SPHKAP: variants seen among roughly 807,000 people sequenced by gnomAD.
SPHKAP encodes SPHK1 interactor, AKAP domain containing.
SPHKAP carries 67 observed loss-of-function variants against 137.5 expected under a neutral mutation model. The ratio of observed to expected loss-of-function variants is 0.49; its 90% CI spans 0.40 to 0.60. The LOEUF (loss-of-function observed/expected upper bound fraction) is 0.60. Among genes scored for constraint, SPHKAP ranks in the 20% least tolerant of loss-of-function variants. SPHKAP has a pLI of 0.00. For synonymous variants in SPHKAP, 813 were observed against 785.3 expected, an observed-to-expected ratio of 1.04 and a Z score of -0.59; for missense variants, 2,097 against 2,069.3, an observed-to-expected ratio of 1.01 and a Z score of -0.26.
chr2:227,998,293 C>T (rs1165776706), intron 7 of SPHKAP, among the ~76,000 whole-genome samples: 5 of 152,122 alleles, frequency 3.3e-5, no homozygotes, highest in African/African-American at 4.8e-5. Context: ...CCACTGCGCC[C>T]GGCCTTTAGG....
intron 11 of SPHKAP, among the ~76,000 whole-genome samples, chr2:227,989,214 A>C (rs1693323307): frequency 6.6e-6 from 1 of 152,194 alleles, no homozygotes; most frequent in Non-Finnish European, 1.5e-5. Flanking sequence ...AGGTCATTTA[A>C]CTTGAGAAAG....
At chr2:228,013,652 C>T (rs963187186) in intron 7 of SPHKAP, among the ~76,000 whole-genome samples, 5 of 152,132 alleles carry the variant, frequency 3.3e-5, no homozygotes, top group Non-Finnish European at 5.9e-5. Context: ...TTACAACAGG[C>T]GAGGCCCTGA....
At chr2:227,997,922 CTT>C (rs1456258210) in intron 7 of SPHKAP, among the ~76,000 whole-genome samples, 2 of 152,192 alleles carry the variant, frequency 1.3e-5, no homozygotes, top group East Asian at 1.9e-4. Context: ...GAGCCACACT[CTT>C]AGTCTAGAGA....
chr2:228,138,981 A>G lies in SPHKAP; in HGVS notation c.33-6896T>C, dbSNP rs374969691. 1.6e-4 allele frequency among the ~76,000 whole-genome samples: 24 copies of G among 152,204 alleles called. 1 individual carries two copies. The highest frequency in any genetic ancestry group is 1.4e-3 in the East Asian group (7 of 5,166). ...GAGTTTGGGTTTCACTTTTTGAGGT[A>G]TTGGTAAGTGGCAATAAAGAAAATA... On this transcript the variant is annotated intron_variant, in intron 1 of 11. Transcript: ENST00000392056.
intron 3 of SPHKAP, among the ~76,000 whole-genome samples, chr2:228,103,143 C>T (rs13406461): frequency 0.31 from 47,458 of 152,040 alleles, 7,659 homozygotes; most frequent in Admixed American, 0.4. Flanking sequence ...GAGTGACTCT[C>T]TTCTCCACCG....
chr2:228,025,006 A>G (rs1256200020), intron 5 of SPHKAP, among the ~76,000 whole-genome samples: 1 of 152,172 alleles, frequency 6.6e-6, no homozygotes, highest in African/African-American at 2.4e-5. Flanking sequence ...TAAGGAATAC[A>G]TAACATCTGA....
In SPHKAP at chr2:228,021,488, CT is replaced by C. The variant is rs144020616; in HGVS notation, c.697+222del. ...ATTCCCTTCAGTATGCCTAAGGCATCTTTTGGGAGTCTGGATCCATCCAACC... is the reference window on the plus strand; with the variant it reads ...ATTCCCTTCAGTATGCCTAAGGCATCTTTGGGAGTCTGGATCCATCCAACC... On this transcript the variant is annotated intron_variant, in intron 6 of 11. Transcript: ENST00000392056. 2.0e-3 allele frequency among the ~76,000 whole-genome samples: 306 copies of C among 152,282 alleles called. 1 individual carries two copies. The highest frequency in any genetic ancestry group is 7.2e-3 in the African/African-American group (299 of 41,560).
chr2:228,001,328 T>TACATATATAAATATATAC (rs1559339550), intron 7 of SPHKAP, among the ~76,000 whole-genome samples: 1 of 143,682 alleles, frequency 7.0e-6, no homozygotes, highest in Non-Finnish European at 1.5e-5. Context: ...TAAATATATA[T>TACATATATAAATATATAC]ACATATATAA....
intron 3 of SPHKAP, among the ~76,000 whole-genome samples, chr2:228,028,375 G>T (rs923316996): frequency 6.6e-6 from 1 of 151,918 alleles, no homozygotes; most frequent in Admixed American, 6.6e-5. Context: ...TATACAATTT[G>T]CCTCTTTGTT....
chr2:228,164,475 G>A (rs183934465), intron 1 of SPHKAP, among the ~76,000 whole-genome samples: 2 of 152,182 alleles, frequency 1.3e-5, no homozygotes, highest in African/African-American at 2.4e-5. Context: ...AAACATTGTG[G>A]TATTGAAGTT....
chr2:228,001,199 AGG>A (rs1693843308), intron 7 of SPHKAP, among the ~76,000 whole-genome samples: 2 of 149,030 alleles, frequency 1.3e-5, no homozygotes, highest in Non-Finnish European at 3.0e-5. Context: ...GTGTCTCTTC[AGG>A]CCTTTTGATC....
intron 3 of SPHKAP, among the ~76,000 whole-genome samples, chr2:228,028,941 T>C (rs1225562072): frequency 7.8e-6 from 1 of 128,516 alleles, no homozygotes; most frequent in African/African-American, 3.1e-5. Flanking sequence ...GCTATGTTTT[T>C]GAAAGATAAA....
chr2:228,018,769 G>C lies in SPHKAP; in HGVS notation c.2085C>G (p.Asn695Lys), dbSNP rs770515231. 2 of 1,614,188 alleles carry C rather than the reference G, an allele frequency of 1.2e-6. No homozygotes were observed. Among genetic ancestry groups the C allele is most frequent in the East Asian group, 4.5e-5 (2 of 44,880 alleles). The change falls in exon 7 of 12, where the codon AAC becomes AAG. Residue 695 changes from asparagine to lysine, a missense_variant. Physicochemically the swap from Asn to Lys is moderately conservative, Grantham distance 94 (BLOSUM62 0). Transcript: ENST00000392056. Reference sequence around the variant, plus strand: ...TGTCCAGAATTTCAGATGAATGCCTGTTGTCATTGGGGTCGATTATCATAT... The same window carrying C: ...TGTCCAGAATTTCAGATGAATGCCTCTTGTCATTGGGGTCGATTATCATAT... The part of the protein sequence containing the change: ...HKNMIIDPND[N>K]RHSSEILDTL...
chr2:228,027,762 T>G (rs993800117), intron 3 of SPHKAP, among the ~76,000 whole-genome samples: 3 of 151,792 alleles, frequency 2.0e-5, no homozygotes, highest in African/African-American at 7.3e-5. Context: ...GGTCAGGAGA[T>G]CGAGACCATC....
In SPHKAP at chr2:228,073,925, G is replaced by A. The variant is rs59656607; in HGVS notation, c.246+34907C>T. 1.6e-3 allele frequency among the ~76,000 whole-genome samples: 242 copies of A among 152,186 alleles called. 2 individuals are homozygous for A. Among genetic ancestry groups the A allele is most frequent in the African/African-American group, 5.4e-3 (225 of 41,508 alleles). ...AATTGTGTCACAGTGTCATGGGGAG[G>A]ACCAAAGAAAAACTCCCAATGACCT... On this transcript the variant is annotated intron_variant, in intron 3 of 11. Transcript: ENST00000392056.
chr2:228,168,943 G>GGA (rs1333558016), intron 1 of SPHKAP, among the ~76,000 whole-genome samples: 2 of 152,164 alleles, frequency 1.3e-5, no homozygotes, highest in Non-Finnish European at 2.9e-5. Flanking sequence ...TTGCTGATAT[G>GGA]GAGAAAGTCT....
Position 228,017,823 on chromosome 2 carries a change from G to A in SPHKAP, c.3031C>T (p.Pro1011Ser), listed in dbSNP as rs1204426241. The A allele has an allele frequency of 3.1e-6, 5 of 1,614,070 alleles. No individual in the cohort carries two copies. In the Admixed American group the frequency reaches 8.3e-5, roughly 27 times the overall value. ...TTCATCAGCTTTTCTTTAAGCTCAG[G>A]GTGCTCGTCCGTCTTCCTCTTGATC... The part of the protein sequence containing the change: ...SEIKRKTDEH[P>S]ELKEKLMNRV... The change falls in exon 7 of 12, where the codon CCT (proline) becomes TCT (serine). Residue 1011 changes from proline to serine, a missense_variant. Transcript: ENST00000392056.
chr2:228,048,921 T>C (rs1280495265), intron 3 of SPHKAP, among the ~76,000 whole-genome samples: 1 of 152,094 alleles, frequency 6.6e-6, no homozygotes, highest in African/African-American at 2.4e-5. Flanking sequence ...AATGACAAAA[T>C]CACCTAATGA....
chr2:228,030,053 G>C (rs563183741), intron 3 of SPHKAP, among the ~76,000 whole-genome samples: 4 of 152,060 alleles, frequency 2.6e-5, no homozygotes, highest in Non-Finnish European at 5.9e-5. Context: ...CCTACACCTG[G>C]AGGACACTCT....
Sources: allele counts gnomAD v4.1 joint callset (sites outside exome capture counted in the v4.1 genomes callset), GRCh38; gene constraint gnomAD v4.1.1; transcripts MANE v1.5; gene names NCBI Gene and HGNC (gene_info 2026-07-23, HGNC 2026-07-21).